Variants in TRMT10B observed in about 807,000 individuals in gnomAD.
The protein encoded by TRMT10B is tRNA methyltransferase 10 homolog B.
Under a neutral mutation model 43.8 loss-of-function variants are expected in TRMT10B, and 33 were observed. The ratio of observed to expected loss-of-function variants is 0.75; its 90% CI spans 0.57 to 1.01. The LOEUF is 1.01. TRMT10B is among the 50% of genes least tolerant of loss of function. The probability of loss-of-function intolerance (pLI) is 0.00; values close to 1 mark genes in which losing one functional copy is unlikely to be tolerated. For synonymous variants in TRMT10B, 137 were observed against 130.6 expected, an observed-to-expected ratio of 1.05 and a Z score of -0.34; for missense variants, 362 against 369.8, an observed-to-expected ratio of 0.98 and a Z score of 0.17.
Position 37,762,028 on chromosome 9 carries a change from C to T in TRMT10B, c.97C>T (p.Pro33Ser), listed in dbSNP as rs1008269549. The T allele has an allele frequency of 6.2e-7, 1 of 1,614,070 alleles. No homozygotes were observed. Among genetic ancestry groups the T allele is most frequent in the Non-Finnish European group, 8.5e-7 (1 of 1,180,028 alleles). ...ILEETGEDGLPEGFQLLQIDA... is the reference protein window; with the variant it reads ...ILEETGEDGLSEGFQLLQIDA... ...AGAGGAGACAGGTGAAGATGGACTT[C>T]CTGAAGGCTTCCAGCTTCTGCAGAT... Residue 33 changes from proline to serine, a missense_variant, in exon 2 of 9, where the codon CCT (proline) becomes TCT (serine). Coordinates refer to ENST00000297994, the MANE Select transcript of TRMT10B (RefSeq NM_144964.4).
chr9:37,777,145 G>C (rs1249619630), intron 8 of TRMT10B, among the ~76,000 whole-genome samples: 1 of 124,842 alleles, frequency 8.0e-6, no homozygotes, highest in Non-Finnish European at 1.6e-5. Flanking sequence ...GGTGAGCTGA[G>C]ATCGTGCCAT....
At chr9:37,775,026 C>A (rs1390545128) in intron 7 of TRMT10B, among the ~76,000 whole-genome samples, 2 of 152,236 alleles carry the variant, frequency 1.3e-5, no homozygotes, top group Admixed American at 1.3e-4. Flanking sequence ...GGCCATCTTA[C>A]TTGCATGGTT....
At chr9:37,763,143 C>CAAAAAAAAAAAAAAAAAAAAAAAAA in intron 3 of TRMT10B, among the ~76,000 whole-genome samples, 1 of 50,212 alleles carries the variant, frequency 2.0e-5, no homozygotes, top group Non-Finnish European at 3.9e-5. Flanking sequence ...GACTCTGTCT[C>CAAAAAAAAAAAAAAAAAAAAAAAAA]AAAAAAAAAA....
intron 7 of TRMT10B, among the ~76,000 whole-genome samples, chr9:37,775,474 A>C (rs1036674705): frequency 1.3e-5 from 2 of 152,182 alleles, no homozygotes; most frequent in South Asian, 4.1e-4. Flanking sequence ...GTACTCTGAC[A>C]CTAAATGGCC....
intron 4 of TRMT10B, 38 bp downstream of exon 4, chr9:37,763,791 T>C (rs1563992563): frequency 1.2e-6 from 2 of 1,612,618 alleles, no homozygotes; most frequent in Admixed American, 1.7e-5. Context: ...CTGCTCGCCA[T>C]GAGGGAGGCC....
In TRMT10B at chr9:37,769,953, GAAGAA is replaced by G. The variant is rs766660151; in HGVS notation, c.587_591del (p.Glu196GlyfsTer4). Reference sequence around the variant, plus strand: ...TTGCATTTTCCAGTTAGACATAACAGAAGAAGACTGCTTTAGTTTATTTCCCTTGG... The same window carrying G: ...TTGCATTTTCCAGTTAGACATAACAGGACTGCTTTAGTTTATTTCCCTTGG... On this transcript the variant is annotated frameshift_variant, in exon 6 of 9. Coordinates refer to ENST00000297994, the MANE Select transcript of TRMT10B (RefSeq NM_144964.4). LOFTEE classifies it high-confidence loss of function. 1.2e-6 allele frequency: 2 copies of G among 1,614,050 alleles called. No homozygotes were observed. Among genetic ancestry groups the G allele is most frequent in the Non-Finnish European group, 1.7e-6 (2 of 1,179,932 alleles).
At chr9:37,775,474 A>G (rs1036674705) in intron 7 of TRMT10B, among the ~76,000 whole-genome samples, 4 of 152,182 alleles carry the variant, frequency 2.6e-5, no homozygotes, top group Non-Finnish European at 4.4e-5. Context: ...GTACTCTGAC[A>G]CTAAATGGCC....
intron 7 of TRMT10B, among the ~76,000 whole-genome samples, chr9:37,771,546 T>C (rs1175595920): frequency 6.6e-6 from 1 of 152,198 alleles, no homozygotes; most frequent in East Asian, 1.9e-4. Context: ...TAAAAAATAT[T>C]AGTGTTCCAT....
chr9:37,764,840 A>G (rs1473638429), intron 4 of TRMT10B, among the ~76,000 whole-genome samples: 1 of 152,168 alleles, frequency 6.6e-6, no homozygotes, highest in Non-Finnish European at 1.5e-5. Context: ...GATGAGATTC[A>G]CAGCAGTTCA....
chr9:37,772,827 A>G (rs1181408906), intron 7 of TRMT10B, among the ~76,000 whole-genome samples: 1 of 152,192 alleles, frequency 6.6e-6, no homozygotes, highest in Admixed American at 6.5e-5. Flanking sequence ...TCTACAAAAC[A>G]ATTTGGAAAA....
At chr9:37,771,427 G>A (rs1266397617) in intron 7 of TRMT10B, among the ~76,000 whole-genome samples, 1 of 151,076 alleles carries the variant, frequency 6.6e-6, no homozygotes, top group Non-Finnish European at 1.5e-5. Flanking sequence ...TGTGTTTGTG[G>A]GTATATTTTA....
chr9:37,770,830 C>G, intron 7 of TRMT10B, 91 bp downstream of exon 7: 1 of 1,336,992 alleles, frequency 7.5e-7, no homozygotes, highest in Non-Finnish European at 1.0e-6. Context: ...TCTAGAGGGT[C>G]TAAGAACTCA....
In TRMT10B at chr9:37,762,012, A is replaced by G. The variant is rs560554517; in HGVS notation, c.81A>G (p.Thr27=). ...GGCAAGAAGGCATCCTAGAGGAGAC[A>G]GGTGAAGATGGACTTCCTGAAGGCT... The part of the protein sequence containing the change: ...LQGQEGILEE[T]GEDGLPEGFQ... The change falls in exon 2 of 9, where the codon ACA becomes ACG. Residue 27 remains threonine (T), a synonymous_variant. Coordinates refer to ENST00000297994, the MANE Select transcript of TRMT10B (RefSeq NM_144964.4). 3 of 1,614,152 alleles carry G rather than the reference A, an allele frequency of 1.9e-6. No individual in the cohort carries two copies. The highest frequency in any genetic ancestry group is 1.7e-5 in the Admixed American group (1 of 60,016).
At chr9:37,774,508 G>T (rs1189967822) in intron 7 of TRMT10B, among the ~76,000 whole-genome samples, 8 of 152,282 alleles carry the variant, frequency 5.3e-5, no homozygotes, top group African/African-American at 1.9e-4. Flanking sequence ...TCTTCAAGGA[G>T]AGTCATTTTA....
intron 5 of TRMT10B, among the ~76,000 whole-genome samples, chr9:37,768,964 TTC>T (rs1827261147): frequency 6.6e-6 from 1 of 152,184 alleles, no homozygotes; most frequent in African/African-American, 2.4e-5. Context: ...CTTCGTGCCT[TTC>T]TTAGTCCCTC....
chr9:37,763,889 T>G (rs1481525049), intron 4 of TRMT10B, 136 bp downstream of exon 4: 3 of 1,540,048 alleles, frequency 1.9e-6, no homozygotes, highest in Non-Finnish European at 2.6e-6. Flanking sequence ...TTTTCTATAC[T>G]GGGTTACTAA....
In TRMT10B at chr9:37,762,110, G is replaced by A. The variant is rs1826405458; in HGVS notation, c.179G>A (p.Trp60Ter). The change falls in exon 2 of 9, where the codon TGG (tryptophan) becomes TAG (stop). Residue 60 changes from tryptophan to a stop codon, truncating the protein, a stop_gained. Coordinates refer to ENST00000297994, the MANE Select transcript of TRMT10B (RefSeq NM_144964.4). LOFTEE classifies it high-confidence loss of function. Reference sequence around the variant, plus strand: ...ATCCTGGCCACAGGCAGTACGGCATGGTGCTCGGTGAGTGCGTGAATTGCC... The same window carrying A: ...ATCCTGGCCACAGGCAGTACGGCATAGTGCTCGGTGAGTGCGTGAATTGCC... The part of the protein sequence containing the change: ...GEILATGSTA[W>*]CSKNVQRKQR... 1 of 1,612,584 alleles carries A rather than the reference G, an allele frequency of 6.2e-7. No individual in the cohort carries two copies.
At chr9:37,770,111 A>C (rs1827403930) in intron 6 of TRMT10B, 92 bp downstream of exon 6, 3 of 1,146,832 alleles carry the variant, frequency 2.6e-6, no homozygotes, top group Non-Finnish European at 3.9e-6. Flanking sequence ...CTCAAGAAGG[A>C]CACCCCTCCC....
chr9:37,776,246 T>C lies in TRMT10B; in HGVS notation c.721-36T>C, dbSNP rs577316331. On this transcript the variant is annotated intron_variant, in intron 7 of 8. Coordinates refer to ENST00000297994, the MANE Select transcript of TRMT10B (RefSeq NM_144964.4). ...ACATTGAGAATATACTCATGTATAA[T>C]TTTTATAAGAAAAATATTTAACTAT... 8.0e-5 allele frequency: 113 copies of C among 1,419,050 alleles called. 1 individual carries two copies. The South Asian group carries it at 1.3e-3, about 17-fold the overall frequency. The allele number at this position is 1,419,050 out of a possible 1,614,324, so 87.9% of individuals were successfully genotyped here. A position where few individuals can be genotyped will look rare whatever the true frequency, so the allele number is the denominator to read the frequency against.
Sources: gnomAD v4.1 joint callset for allele counts (sites outside exome capture counted in the v4.1 genomes callset) on GRCh38, gnomAD v4.1.1 for gene constraint, MANE v1.5 for transcripts, NCBI Gene and HGNC (gene_info 2026-07-23, HGNC 2026-07-21) for gene names.